The following SLC44A3 variants were observed in gnomAD, a reference collection of about 807,000 sequenced individuals.
SLC44A3 encodes the protein choline transporter-like protein 3.
A neutral mutation model predicts 75.4 loss-of-function variants in SLC44A3; 74 were observed. That is an observed-to-expected ratio of 0.98 (90% CI 0.81 to 1.19). The LOEUF (loss-of-function observed/expected upper bound fraction) is 1.19. Among genes scored for constraint, SLC44A3 ranks in the 50% most tolerant of loss-of-function variants. The pLI, the probability that SLC44A3 is intolerant of heterozygous loss-of-function variation, is 0.00. For synonymous variants in SLC44A3, 310 were observed against 296.9 expected (o/e 1.04, Z -0.45); for missense variants, 700 against 778.6 (o/e 0.90, Z 1.20).
chr1:94,879,474 G>A (rs1247051936), intron 12 of SLC44A3, among the ~76,000 whole-genome samples: 1 of 151,106 alleles, frequency 6.6e-6, no homozygotes. Context: ...AGAGGTTGCG[G>A]TGAGCCGGGA....
chr1:94,863,512 A>G lies in SLC44A3; in HGVS notation c.1239-1231A>G, dbSNP rs181998995. Among the ~76,000 whole-genome samples, 275 of 152,232 alleles carry G rather than the reference A, an allele frequency of 1.8e-3. 2 individuals are homozygous for G. The highest frequency in any genetic ancestry group is 6.2e-3 in the African/African-American group (256 of 41,518). ...GTTCTAAGGCACACAAATCTCCTCA[A>G]TGGAAAAGTAAACGTTCTTCCTTAA... On this transcript the variant is annotated intron_variant, in intron 10 of 14. Coordinates refer to ENST00000271227, the MANE Select transcript of SLC44A3 (RefSeq NM_001114106.3).
At chr1:94,870,473 G>T (rs964282843) in intron 12 of SLC44A3, among the ~76,000 whole-genome samples, 2 of 152,180 alleles carry the variant, frequency 1.3e-5, no homozygotes, top group African/African-American at 4.8e-5. Context: ...CAGAAAAGGG[G>T]AATCTTGGTC....
intron 9 of SLC44A3, among the ~76,000 whole-genome samples, chr1:94,852,523 T>A (rs1451733923): frequency 6.6e-6 from 1 of 151,598 alleles, no homozygotes; most frequent in East Asian, 1.9e-4. Context: ...CAGAGGGGAG[T>A]CAGGGTGCAC....
intron 12 of SLC44A3, among the ~76,000 whole-genome samples, chr1:94,870,025 T>C (rs1195731215): frequency 5.9e-5 from 9 of 152,256 alleles, no homozygotes; most frequent in Admixed American, 2.0e-4. Context: ...CCATCTTCAC[T>C]AAATCCTAGT....
At chr1:94,863,266 A>G (rs1666789532) in intron 10 of SLC44A3, among the ~76,000 whole-genome samples, 1 of 152,110 alleles carries the variant, frequency 6.6e-6, no homozygotes, top group South Asian at 2.1e-4. Context: ...TGTGTTACAG[A>G]CTAGGGAAGC....
At chr1:94,886,493 T>C (rs6660895) in intron 12 of SLC44A3, among the ~76,000 whole-genome samples, 46,545 of 151,912 alleles carry the variant, frequency 0.31, 8,051 homozygotes, top group African/African-American at 0.48. Flanking sequence ...CTGTGGCTCA[T>C]GTTGCTGGCT....
In SLC44A3 at chr1:94,857,379, CT is replaced by C; in HGVS notation, c.1120del (p.Ser374ArgfsTer11). On this transcript the variant is annotated frameshift_variant, in exon 10 of 15. Coordinates refer to ENST00000271227, the MANE Select transcript of SLC44A3 (RefSeq NM_001114106.3). LOFTEE classifies it high-confidence loss of function. ...MEGGQVEYKP[L>X]SGIRYMWSYH... Reference sequence around the variant, plus strand: ...AGGCGGCCAAGTGGAATATAAGCCCCTTTCGGGCATTCGGTACATGTGGTCG... The same window carrying C: ...AGGCGGCCAAGTGGAATATAAGCCCCTTCGGGCATTCGGTACATGTGGTCG... 2 of 1,613,518 alleles carry C rather than the reference CT, an allele frequency of 1.2e-6. No homozygotes were observed. Among genetic ancestry groups the C allele is most frequent in the Middle Eastern group, 1.7e-4 (1 of 6,060 alleles).
chr1:94,885,106 C>T (rs1357532957), intron 12 of SLC44A3, among the ~76,000 whole-genome samples: 2 of 149,984 alleles, frequency 1.3e-5, no homozygotes, highest in East Asian at 2.0e-4. Flanking sequence ...ATTAGCCAGG[C>T]GTGGTGGGTG....
At chr1:94,823,697 G>A (rs1660920891) in intron 2 of SLC44A3, among the ~76,000 whole-genome samples, 1 of 152,170 alleles carries the variant, frequency 6.6e-6, no homozygotes, top group Non-Finnish European at 1.5e-5. Flanking sequence ...AATGAATAGT[G>A]TATTATATCT....
chr1:94,833,303 G>C (rs555391982), intron 5 of SLC44A3, among the ~76,000 whole-genome samples: 1 of 152,260 alleles, frequency 6.6e-6, no homozygotes, highest in East Asian at 1.9e-4. Context: ...GCATGTTTTG[G>C]GTTCTTCGGG....
chr1:94,886,120 C>G (rs965012159), intron 12 of SLC44A3, among the ~76,000 whole-genome samples: 4 of 152,204 alleles, frequency 2.6e-5, no homozygotes, highest in African/African-American at 9.6e-5. Flanking sequence ...TCGGTGTGCT[C>G]AATGGCTGCA....
intron 11 of SLC44A3, among the ~76,000 whole-genome samples, chr1:94,866,935 G>C: frequency 6.6e-6 from 1 of 151,538 alleles, no homozygotes; most frequent in Admixed American, 6.6e-5. Flanking sequence ...TGTATTATTT[G>C]TTTTTTTTGT....
At chr1:94,870,225 G>A (rs998720815) in intron 12 of SLC44A3, among the ~76,000 whole-genome samples, 1 of 152,214 alleles carries the variant, frequency 6.6e-6, no homozygotes, top group Admixed American at 6.5e-5. Context: ...CGTTCATCCA[G>A]CAACCATGTG....
intron 5 of SLC44A3, among the ~76,000 whole-genome samples, chr1:94,833,789 A>G (rs954885294): frequency 2.0e-5 from 3 of 152,146 alleles, no homozygotes; most frequent in Admixed American, 1.3e-4. Flanking sequence ...TTCAAAAATT[A>G]CTCTTCTAAT....
intron 3 of SLC44A3, 84 bp from the exon 4 acceptor site, chr1:94,827,423 C>T: frequency 6.5e-7 from 1 of 1,527,820 alleles, no homozygotes; most frequent in Non-Finnish European, 9.0e-7. Flanking sequence ...CATTTGATAG[C>T]ATGTGGATAT....
intron 2 of SLC44A3, among the ~76,000 whole-genome samples, chr1:94,823,197 T>C (rs1660850576): frequency 6.6e-6 from 1 of 152,134 alleles, no homozygotes; most frequent in Admixed American, 6.5e-5. Context: ...ACATGACCCC[T>C]TTCCTCCCTC....
intron 14 of SLC44A3, 94 bp downstream of exon 14, chr1:94,892,611 CT>C: frequency 8.1e-7 from 1 of 1,234,040 alleles, no homozygotes; most frequent in Admixed American, 1.9e-5. Flanking sequence ...CATACCCAGC[CT>C]CTCTCTTCTA....
In SLC44A3 at chr1:94,857,672, A is replaced by G. The variant is rs147430552; in HGVS notation, c.1238+172A>G. ...GTATTCTCATTTGGTGGTGAGAAGA[A>G]ATATTACACCCTAAATCTGTCACAT... On this transcript the variant is annotated intron_variant, in intron 10 of 14. Transcript: ENST00000271227. Among the ~76,000 whole-genome samples, 161 of 152,372 alleles carry G rather than the reference A, an allele frequency of 1.1e-3. 2 individuals are homozygous for G. The East Asian group carries it at 0.026, about 24-fold the overall frequency.
In SLC44A3 at chr1:94,828,731, G is replaced by A. The variant is rs115641784; in HGVS notation, c.509+145G>A. ...GAGCTTACAGTCTACGGAGGCCAGCGATAAAAACATGGAGGGACTATTTGC... is the reference window on the plus strand; with the variant it reads ...GAGCTTACAGTCTACGGAGGCCAGCAATAAAAACATGGAGGGACTATTTGC... On this transcript the variant is annotated intron_variant, in intron 5 of 14. Coordinates refer to ENST00000271227, the MANE Select transcript of SLC44A3 (RefSeq NM_001114106.3). The A allele has an allele frequency of 6.9e-4, 430 of 619,168 alleles. 3 individuals carry two copies. Among genetic ancestry groups the A allele is most frequent in the African/African-American group, 6.5e-3 (349 of 54,024 alleles). 38.4% of individuals were successfully genotyped at this position (619,168 alleles called of 1,614,324 possible). A position where few individuals can be genotyped will look rare whatever the true frequency, so the allele number is the denominator to read the frequency against.
Sources: allele counts gnomAD v4.1 joint callset (sites outside exome capture counted in the v4.1 genomes callset), GRCh38; gene constraint gnomAD v4.1.1; transcripts MANE v1.5; gene names NCBI Gene and HGNC (gene_info 2026-07-23, HGNC 2026-07-21).